DESI2: variants seen among roughly 807,000 people sequenced by gnomAD.
DESI2 encodes the protein deubiquitinase DESI2.
Under a neutral mutation model 24.1 loss-of-function variants are expected in DESI2, and 10 were observed. The ratio of observed to expected loss-of-function variants is 0.41; its 90% CI spans 0.26 to 0.70. DESI2 has a LOEUF of 0.70. Among genes scored for constraint, DESI2 ranks in the 30% least tolerant of loss-of-function variants. DESI2 has a pLI of 0.29. For synonymous variants in DESI2, 71 were observed against 87.7 expected, an observed-to-expected ratio of 0.81 and a Z score of 1.06; for missense variants, 122 against 234.9, an observed-to-expected ratio of 0.52 and a Z score of 3.14.
At chr1:244,654,080 G>T in intron 1 of DESI2, 1 of 466,728 alleles carries the variant, frequency 2.1e-6, no homozygotes, top group Non-Finnish European at 4.4e-6. Context: ...GTTGTTTATT[G>T]TATCATCTAA....
intron 4 of DESI2, among the ~76,000 whole-genome samples, chr1:244,698,027 T>G (rs1232426894): frequency 6.6e-6 from 1 of 152,194 alleles, no homozygotes; most frequent in African/African-American, 2.4e-5. Flanking sequence ...GTCGAATACA[T>G]CTGCAGTGAG....
chr1:244,667,479 A>G (rs1335709790), intron 1 of DESI2, among the ~76,000 whole-genome samples: 3 of 152,210 alleles, frequency 2.0e-5, no homozygotes, highest in Non-Finnish European at 2.9e-5. Flanking sequence ...AATGACTCAC[A>G]TGATCCTTAC....
intron 4 of DESI2, 99 bp downstream of exon 4, chr1:244,692,119 G>T (rs904400109): frequency 2.8e-6 from 3 of 1,061,920 alleles, no homozygotes; most frequent in African/African-American, 3.3e-5. Flanking sequence ...CTTCTTTTCC[G>T]ATTTTTTGTG....
chr1:244,661,645 T>C (rs1481932546), intron 1 of DESI2, among the ~76,000 whole-genome samples: 2 of 151,370 alleles, frequency 1.3e-5, no homozygotes, highest in East Asian at 3.9e-4. Context: ...CACCTATGAG[T>C]GAGAACATGC....
chr1:244,695,121 C>T (rs1677166225), intron 4 of DESI2, among the ~76,000 whole-genome samples: 1 of 152,188 alleles, frequency 6.6e-6, no homozygotes, highest in African/African-American at 2.4e-5. Flanking sequence ...AGGCCAGCTC[C>T]CTTTATGGTT....
intron 1 of DESI2, among the ~76,000 whole-genome samples, chr1:244,670,787 A>T (rs1292771855): frequency 6.6e-6 from 1 of 152,250 alleles, no homozygotes; most frequent in Admixed American, 6.5e-5. Flanking sequence ...TCAAATACAT[A>T]TGAACAAACC....
intron 1 of DESI2, among the ~76,000 whole-genome samples, chr1:244,666,782 G>A (rs1275253789): frequency 6.6e-6 from 1 of 152,086 alleles, no homozygotes; most frequent in East Asian, 1.9e-4. Flanking sequence ...ACTGAAACTG[G>A]GAACAAAAAG....
intron 1 of DESI2, among the ~76,000 whole-genome samples, chr1:244,669,198 T>C (rs1466469498): frequency 6.6e-6 from 1 of 151,984 alleles, no homozygotes. Context: ...GGTCTCACTA[T>C]GTGGCCCAGG....
intron 4 of DESI2, among the ~76,000 whole-genome samples, chr1:244,701,984 G>A (rs1278383937): frequency 6.6e-6 from 1 of 152,144 alleles, no homozygotes; most frequent in Non-Finnish European, 1.5e-5. Context: ...TTTTCTAGAA[G>A]AGGGATTGCT....
chr1:244,653,302 G>T lies in DESI2; in HGVS notation c.-12G>T. 1 of 1,493,226 alleles carries T rather than the reference G, an allele frequency of 6.7e-7. No individual in the cohort carries two copies. The highest frequency in any genetic ancestry group is 8.9e-7 in the Non-Finnish European group (1 of 1,126,560). The allele number at this position is 1,493,226 out of a possible 1,614,324, so 92.5% of individuals were successfully genotyped here. On this transcript the variant is annotated 5_prime_UTR_variant, in exon 1 of 5. Transcript: ENST00000302550. ...GCGGCTTGAGGACGAGGCGGCGGCC[G>T]CGGGGAGGAGGATGGGGGCTAACCA...
intron 3 of DESI2, among the ~76,000 whole-genome samples, chr1:244,691,004 C>T (rs1338432712): frequency 6.6e-6 from 1 of 152,208 alleles, no homozygotes; most frequent in Non-Finnish European, 1.5e-5. Context: ...TTTTCAGGTT[C>T]CTTGGATGCC....
intron 1 of DESI2, among the ~76,000 whole-genome samples, chr1:244,661,717 TG>T (rs1675851448): frequency 6.6e-6 from 1 of 152,206 alleles, no homozygotes. Flanking sequence ...GCTTCATCCA[TG>T]TCCCTACAAA....
rs937227205 is a variant in DESI2, at chr1:244,653,129, C to G, written c.-185C>G. 2.1e-6 allele frequency: 1 copy of G among 465,598 alleles called. No individual in the cohort carries two copies. The highest frequency in any genetic ancestry group is 3.7e-5 in the East Asian group (1 of 27,316). 28.8% of individuals were successfully genotyped at this position (465,598 alleles called of 1,614,324 possible). ...AACGGTCCGGCCCCGTCCGCACAGACGCTCCTGTCGGCGGCGCCCGGGAGC... is the reference window on the plus strand; with the variant it reads ...AACGGTCCGGCCCCGTCCGCACAGAGGCTCCTGTCGGCGGCGCCCGGGAGC... On this transcript the variant is annotated 5_prime_UTR_variant, in exon 1 of 5. Transcript: ENST00000302550.
intron 1 of DESI2, among the ~76,000 whole-genome samples, chr1:244,659,887 C>T (rs754628827): frequency 3.3e-5 from 5 of 152,142 alleles, no homozygotes; most frequent in Non-Finnish European, 7.4e-5. Flanking sequence ...CTCGACTTGG[C>T]ATAGAATAAA....
At chr1:244,664,839 T>G (rs1675988251) in intron 1 of DESI2, among the ~76,000 whole-genome samples, 1 of 152,274 alleles carries the variant, frequency 6.6e-6, no homozygotes, top group Admixed American at 6.5e-5. Context: ...AAACTGTTGG[T>G]CTTTTATAAC....
intron 2 of DESI2, among the ~76,000 whole-genome samples, chr1:244,688,671 C>T (rs894637181): frequency 2.0e-5 from 3 of 151,882 alleles, no homozygotes; most frequent in Non-Finnish European, 2.9e-5. Flanking sequence ...TTTATCCTAG[C>T]TAAAAGACTT....
intron 4 of DESI2, chr1:244,694,463 C>T (rs1004155661): frequency 6.4e-6 from 5 of 781,468 alleles, no homozygotes; most frequent in Non-Finnish European, 1.1e-5. Context: ...CAGCTGCCCT[C>T]TTGGGTTTAG....
chr1:244,700,811 A>G (rs1486509917), intron 4 of DESI2, among the ~76,000 whole-genome samples: 1 of 152,222 alleles, frequency 6.6e-6, no homozygotes, highest in African/African-American at 2.4e-5. Context: ...CTCTATACCT[A>G]AAACAGCTGT....
chr1:244,657,101 T>G (rs1675674126), intron 1 of DESI2, among the ~76,000 whole-genome samples: 1 of 152,232 alleles, frequency 6.6e-6, no homozygotes, highest in African/African-American at 2.4e-5. Context: ...AAGTAGTACC[T>G]ATACATCTTC....
Sources: allele counts gnomAD v4.1 joint callset (sites outside exome capture counted in the v4.1 genomes callset), GRCh38; gene constraint gnomAD v4.1.1; transcripts MANE v1.5; gene names NCBI Gene and HGNC (gene_info 2026-07-23, HGNC 2026-07-21).